Variants in PCDHA3 observed in about 807,000 individuals in gnomAD.
PCDHA3 encodes the protein protocadherin alpha-3.
Under a neutral mutation model 62.2 loss-of-function variants are expected in PCDHA3, and 41 were observed. The ratio of observed to expected loss-of-function variants is 0.66; its 90% CI spans 0.51 to 0.86. PCDHA3 has a LOEUF of 0.86. Ranked by LOEUF, PCDHA3 falls within the 40% of genes least tolerant of loss-of-function variation. The pLI is 0.00. For synonymous variants in PCDHA3, 640 were observed against 555.4 expected (o/e 1.15, Z -2.14); for missense variants, 1,304 against 1,241.2 (o/e 1.05, Z -0.76).
intron 1 of PCDHA3, among the ~76,000 whole-genome samples, chr5:140,912,581 T>C (rs2075985656): frequency 6.6e-6 from 1 of 152,178 alleles, no homozygotes; most frequent in Admixed American, 6.5e-5. Flanking sequence ...CTTTTCCAAT[T>C]TGGATGCCCT....
chr5:141,010,296 G>C lies in PCDHA3; in HGVS notation c.*359G>C. On this transcript the variant is annotated 3_prime_UTR_variant, in exon 4 of 4. Transcript: ENST00000522353. ...CTGTCTTGATGACACTTGCAGGGCA[G>C]GCTGAAAAGTTTTGAGATTGAGCAG... The C allele has an allele frequency of 1.3e-6, 2 of 1,549,428 alleles. No individual in the cohort carries two copies. The highest frequency in any genetic ancestry group is 1.7e-6 in the Non-Finnish European group (2 of 1,146,352).
Position 140,846,221 on chromosome 5 carries a change from A to C in PCDHA3, c.2394+42630A>C, listed in dbSNP as rs944343213. Among the ~76,000 whole-genome samples, 2 of 149,362 alleles carry C rather than the reference A, an allele frequency of 1.3e-5. 1 individual carries two copies. The highest frequency in any genetic ancestry group is 3.0e-5 in the Non-Finnish European group (2 of 66,804). On this transcript the variant is annotated intron_variant, in intron 1 of 3. Coordinates refer to ENST00000522353, the MANE Select transcript of PCDHA3 (RefSeq NM_018906.3). ...TGTATGAGATCTTTCCATTAATAGT[A>C]TTTTTCTTAAAAAGAAGTATACAAT... is the stretch of plus-strand genomic sequence containing the variant.
chr5:140,941,211 CTTCCTTTCTTT>C (rs782043135), intron 1 of PCDHA3, among the ~76,000 whole-genome samples: 8,933 of 129,680 alleles, frequency 0.069, 349 homozygotes, highest in Non-Finnish European at 0.093. Flanking sequence ...TCCTTTCTTT[CTTCCTTTCTTT>C]CTTTCTTTCT....
At chr5:140,918,639 TGA>T (rs1554198713) in intron 1 of PCDHA3, among the ~76,000 whole-genome samples, 1 of 152,224 alleles carries the variant, frequency 6.6e-6, no homozygotes, top group East Asian at 1.9e-4. Context: ...ATTCATAAAT[TGA>T]AACCTAATTC....
At chr5:140,993,727 T>C (rs1482867785) in intron 3 of PCDHA3, among the ~76,000 whole-genome samples, 1 of 152,220 alleles carries the variant, frequency 6.6e-6, no homozygotes, top group Non-Finnish European at 1.5e-5. Context: ...ACCTTTTCTA[T>C]GTTTAGATAC....
chr5:140,869,392 G>C (rs372231398), intron 1 of PCDHA3: 24 of 1,614,164 alleles, frequency 1.5e-5, no homozygotes, highest in African/African-American at 1.5e-4. Flanking sequence ...GGAGCTGTGC[G>C]GGCAGAGCGC....
chr5:140,934,612 T>G (rs2089946859), intron 1 of PCDHA3, among the ~76,000 whole-genome samples: 1 of 152,184 alleles, frequency 6.6e-6, no homozygotes, highest in South Asian at 2.1e-4. Flanking sequence ...TTGATTAGCC[T>G]GAGGTACAGT....
At chr5:140,838,621 C>T (rs2150290768) in intron 1 of PCDHA3, among the ~76,000 whole-genome samples, 40 of 151,992 alleles carry the variant, frequency 2.6e-4, no homozygotes, top group Non-Finnish European at 5.1e-4. Context: ...AAATTTTTTA[C>T]AAATAATTTG....
chr5:140,841,838 A>G (rs1453803660), intron 1 of PCDHA3: 11 of 1,613,802 alleles, frequency 6.8e-6, no homozygotes, highest in Admixed American at 6.7e-5. Context: ...CTACAGGCTT[A>G]GCTCTCATGA....
At chr5:140,969,149 G>T (rs782510891) in intron 1 of PCDHA3, 9 of 1,614,120 alleles carry the variant, frequency 5.6e-6, no homozygotes, top group Admixed American at 1.7e-5. Context: ...CTGCTACAAG[G>T]CCTGTCTGAC....
intron 1 of PCDHA3, among the ~76,000 whole-genome samples, chr5:140,924,902 A>AAAAAAAT (rs1554202311): frequency 2.8e-4 from 11 of 39,026 alleles, no homozygotes; most frequent in Non-Finnish European, 5.7e-4. Context: ...CTCAAAAAAA[A>AAAAAAAT]AAATAAAATA....
chr5:140,898,711 T>A (rs1280268769), intron 1 of PCDHA3, among the ~76,000 whole-genome samples: 2 of 152,226 alleles, frequency 1.3e-5, no homozygotes, highest in Non-Finnish European at 2.9e-5. Flanking sequence ...AAGTAGTTTT[T>A]TCCAATTCTG....
rs1478449575 is a variant in PCDHA3 at position 141,010,392 on chromosome 5, G to A, written c.*455G>A. The stretch of plus-strand genomic sequence containing the variant: ...GCGAGTGCCAGATATTGGCTGAGAC[G>A]AGCCAGCTTAGACTAATTGGTACAA... On this transcript the variant is annotated 3_prime_UTR_variant, in exon 4 of 4. Transcript: ENST00000522353. The A allele has an allele frequency of 8.0e-6, 11 of 1,381,722 alleles. No individual in the cohort carries two copies. The highest frequency in any genetic ancestry group is 7.3e-5 in the African/African-American group (5 of 68,772). The allele number at this position is 1,381,722 out of a possible 1,614,324, so 85.6% of individuals were successfully genotyped here. A position where few individuals can be genotyped will look rare whatever the true frequency, so the allele number is the denominator to read the frequency against.
At chr5:140,860,793 A>G (rs1012928413) in intron 1 of PCDHA3, 3 of 152,166 alleles carry the variant, frequency 2.0e-5, no homozygotes, top group Non-Finnish European at 4.4e-5. Context: ...GCTGGAGTGC[A>G]GTGGCACGAT....
intron 1 of PCDHA3, chr5:140,968,375 T>G: frequency 6.2e-7 from 1 of 1,614,098 alleles, no homozygotes; most frequent in Non-Finnish European, 8.5e-7. Context: ...TGTCAACTCC[T>G]TTGACTATGA....
At chr5:140,938,507 C>T (rs2092094259) in intron 1 of PCDHA3, among the ~76,000 whole-genome samples, 1 of 151,846 alleles carries the variant, frequency 6.6e-6, no homozygotes, top group Admixed American at 6.6e-5. Flanking sequence ...GAATTTATCA[C>T]ATATTTTCTG....
At chr5:140,856,183 C>T (rs1337355592) in intron 1 of PCDHA3, 8 of 1,598,070 alleles carry the variant, frequency 5.0e-6, no homozygotes, top group African/African-American at 2.7e-5. Flanking sequence ...CCTTCGTGGG[C>T]CGCATCGCGC....
intron 1 of PCDHA3, among the ~76,000 whole-genome samples, chr5:140,821,352 AG>A (rs1766954073): frequency 6.6e-6 from 1 of 152,224 alleles, no homozygotes; most frequent in Non-Finnish European, 1.5e-5. Flanking sequence ...TCATGACTTT[AG>A]ATGTATTTTT....
chr5:140,816,954 C>T (rs1766032613), intron 1 of PCDHA3: 1 of 152,160 alleles, frequency 6.6e-6, no homozygotes, highest in African/African-American at 2.4e-5. Context: ...TCAAGTGAGA[C>T]AGAAACTTGG....
Sources: allele counts gnomAD v4.1 joint callset (sites outside exome capture counted in the v4.1 genomes callset), GRCh38; gene constraint gnomAD v4.1.1; transcripts MANE v1.5; gene names NCBI Gene and HGNC (gene_info 2026-07-23, HGNC 2026-07-21).